Variants in MDM4 observed in about 807,000 individuals in gnomAD.
MDM4 encodes the protein protein Mdm4.
Under a neutral mutation model 60.2 loss-of-function variants are expected in MDM4, and 2 were observed. That is an observed-to-expected ratio of 0.03 (90% CI 0.01 to 0.10). The LOEUF (loss-of-function observed/expected upper bound fraction) is 0.10, where lower values mean the gene tolerates loss of function less well. MDM4 is among the 10% of genes least tolerant of loss of function. The pLI, the probability that MDM4 is intolerant of heterozygous loss-of-function variation, is 1.00. For missense variants in MDM4, 447 were observed against 577.5 expected (o/e 0.77, Z 2.32); for synonymous variants, 202 against 198.1 (o/e 1.02, Z -0.17).
chr1:204,527,933 C>T (rs2102334054), intron 3 of MDM4, among the ~76,000 whole-genome samples: 1 of 151,726 alleles, frequency 6.6e-6, no homozygotes, highest in African/African-American at 2.4e-5. Flanking sequence ...CATTACACTT[C>T]TCAAGGAGAC....
rs1205280431 is a variant in MDM4, at chr1:204,546,833, T to G, written c.859T>G (p.Ser287Ala). The change falls in exon 10 of 11, where the codon TCT becomes GCT. Residue 287 changes from serine to alanine, a missense_variant. By Grantham distance (99) the Ser-to-Ala change is moderately conservative (BLOSUM62 1). Transcript: ENST00000367182. ...GGGAAAAAATGATGACCTGGAGGAC[T>G]CTAAGTCCTTAAGTGATGATACCGA... ...EVGKNDDLED[S>A]KSLSDDTDVE... 1.4e-5 allele frequency: 22 copies of G among 1,613,354 alleles called. No individual in the cohort carries two copies. The highest frequency in any genetic ancestry group is 1.9e-5 in the Non-Finnish European group (22 of 1,179,496).
At position 204,544,562 on chromosome 1, in the gene MDM4, A is replaced by G. The variant is rs1662458879; in HGVS notation, c.700A>G (p.Thr234Ala). The G allele has an allele frequency of 6.2e-7, 1 of 1,612,450 alleles. No individual in the cohort carries two copies. The highest frequency in any genetic ancestry group is 8.5e-7 in the Non-Finnish European group (1 of 1,178,974). Residue 234 changes from threonine to alanine, a missense_variant, in exon 9 of 11, where the codon ACT becomes GCT. Transcript: ENST00000367182. ...QDVGTAIVSD[T>A]TDDLWFLNES... ...TGTGGGTACTGCCATTGTTTCAGAT[A>G]CTACAGATGACTTGTGGTTTTTGAA...
At position 204,542,844 on chromosome 1, in the gene MDM4, A is replaced by T. The variant is rs756186071; in HGVS notation, c.572A>T (p.Glu191Val). ...ACATCTAGGCTGGACCTTGGATTTG[A>T]GGAGTGGGATGTAGCTGGCCTGCCT... is the stretch of plus-strand genomic sequence containing the variant. ...DETSRLDLGF[E>V]EWDVAGLPWW... Residue 191 changes from glutamate (E) to valine (V), a missense_variant, in exon 8 of 11, where the codon GAG (glutamate) becomes GTG (valine). By Grantham distance (121) the Glu-to-Val change is moderately radical. This residue lies in a region of MDM4 where 184 missense variants were observed against 179.3 expected (regional missense o/e 1.03). Transcript: ENST00000367182. The T allele has an allele frequency of 3.1e-6, 5 of 1,614,066 alleles. No individual in the cohort carries two copies. Among genetic ancestry groups the T allele is most frequent in the Non-Finnish European group, 4.2e-6 (5 of 1,179,922 alleles).
chr1:204,546,490 T>G (rs1466032290), intron 9 of MDM4, among the ~76,000 whole-genome samples: 2 of 152,190 alleles, frequency 1.3e-5, no homozygotes, highest in Non-Finnish European at 2.9e-5. Context: ...GGCACCTGGC[T>G]GTAAAATAGC....
At chr1:204,540,901 G>A (rs147447001) in intron 7 of MDM4, among the ~76,000 whole-genome samples, 79 of 152,290 alleles carry the variant, frequency 5.2e-4, no homozygotes, top group African/African-American at 1.9e-3. Flanking sequence ...GTGGACCAAT[G>A]GCAGGTTAAG....
chr1:204,531,978 T>C (rs1660903692), intron 4 of MDM4, among the ~76,000 whole-genome samples: 1 of 152,224 alleles, frequency 6.6e-6, no homozygotes, highest in African/African-American at 2.4e-5. Flanking sequence ...ATCAGTTTTT[T>C]AATGGGGGCA....
intron 5 of MDM4, chr1:204,532,761 T>C: frequency 1.2e-6 from 2 of 1,610,014 alleles, no homozygotes; most frequent in Non-Finnish European, 8.5e-7. Flanking sequence ...GTCATTTACG[T>C]GTTGAAGAAA....
intron 1 of MDM4, among the ~76,000 whole-genome samples, chr1:204,520,665 C>T (rs1029309786): frequency 2.6e-5 from 4 of 151,914 alleles, no homozygotes; most frequent in Non-Finnish European, 4.4e-5. Flanking sequence ...CACTTGAGGC[C>T]AAGAGTTTGA....
intron 3 of MDM4, 85 bp downstream of exon 3, chr1:204,526,519 A>G (rs1042170263): frequency 1.8e-5 from 17 of 970,796 alleles, no homozygotes; most frequent in African/African-American, 3.4e-5. Context: ...GCTGGAGTGC[A>G]GTGGTGCGAT....
chr1:204,548,022 A>G (rs570215310), intron 10 of MDM4, among the ~76,000 whole-genome samples: 4 of 152,234 alleles, frequency 2.6e-5, no homozygotes, highest in Non-Finnish European at 4.4e-5. Flanking sequence ...ACTCCCGGCC[A>G]TGTTTCCATC....
At chr1:204,529,238 C>A in intron 3 of MDM4, 1 of 727,436 alleles carries the variant, frequency 1.4e-6, no homozygotes. Context: ...AGGCAGGTCT[C>A]ATCATTGAAC....
intron 1 of MDM4, among the ~76,000 whole-genome samples, chr1:204,520,205 G>T (rs191956772): frequency 2.0e-5 from 3 of 151,656 alleles, no homozygotes; most frequent in South Asian, 4.2e-4. Flanking sequence ...TGAACCCCGG[G>T]GGGTGGAGCC....
chr1:204,549,287 C>T lies in MDM4; in HGVS notation c.1078C>T (p.Pro360Ser), dbSNP rs913129198. 10 of 1,613,970 alleles carry T rather than the reference C, an allele frequency of 6.2e-6. No homozygotes were observed. The Admixed American group carries it at 1.3e-4, about 22-fold the overall frequency. ...PEKENEGNDV[P>S]DCRRTISAPV... ...AAAGGAAAATGAAGGAAATGATGTC[C>T]CTGATTGTCGAAGAACCATTTCGGC... Residue 360 changes from proline to serine, a missense_variant, in exon 11 of 11, where the codon CCT (proline) becomes TCT (serine). Transcript: ENST00000367182.
rs61752710 is a variant in MDM4 at position 204,544,591 on chromosome 1, G to A, written c.729G>A (p.Glu243=). 13 of 1,613,614 alleles carry A rather than the reference G, an allele frequency of 8.1e-6. No homozygotes were observed. Among genetic ancestry groups the A allele is most frequent in the Non-Finnish European group, 8.5e-6 (10 of 1,179,778 alleles). The change falls in exon 9 of 11, where the codon GAG becomes GAA. Residue 243 remains glutamate, a synonymous_variant. Transcript: ENST00000367182. The part of the protein sequence containing the change: ...DTTDDLWFLN[E]SVSEQLGVGI... ...CAGATGACTTGTGGTTTTTGAATGAGTCAGTATCAGAGCAGTTAGGTGTTG... is the reference window on the plus strand; with the variant it reads ...CAGATGACTTGTGGTTTTTGAATGAATCAGTATCAGAGCAGTTAGGTGTTG...
intron 1 of MDM4, among the ~76,000 whole-genome samples, chr1:204,520,325 T>C (rs2102286108): frequency 6.8e-6 from 1 of 147,858 alleles, no homozygotes; most frequent in Middle Eastern, 3.6e-3. Context: ...TAGGAATTAA[T>C]CTATGTTAGT....
At chr1:204,522,337 C>A (rs543444234) in intron 1 of MDM4, among the ~76,000 whole-genome samples, 2 of 150,868 alleles carry the variant, frequency 1.3e-5, no homozygotes, top group African/African-American at 4.9e-5. Flanking sequence ...CACACACACA[C>A]AAAAAAAGCA....
intron 7 of MDM4, among the ~76,000 whole-genome samples, chr1:204,542,036 A>T (rs1307938421): frequency 1.3e-5 from 2 of 152,226 alleles, no homozygotes; most frequent in African/African-American, 2.4e-5. Flanking sequence ...ACTTATGTTA[A>T]TTAGCTGCCC....
chr1:204,529,684 A>ATATC, intron 3 of MDM4: 1 of 577,094 alleles, frequency 1.7e-6, no homozygotes. Context: ...GCCCATACAG[A>ATATC]TAGCTGGCTG....
chr1:204,546,839 T>C lies in MDM4; in HGVS notation c.865T>C (p.Ser289Pro). 1 of 1,613,398 alleles carries C rather than the reference T, an allele frequency of 6.2e-7. No individual in the cohort carries two copies. The highest frequency in any genetic ancestry group is 8.5e-7 in the Non-Finnish European group (1 of 1,179,440). Residue 289 changes from serine to proline, a missense_variant, in exon 10 of 11, where the codon TCC becomes CCC. Ser to Pro is a moderately conservative substitution (Grantham distance 74, BLOSUM62 -1). Coordinates refer to ENST00000367182, the MANE Select transcript of MDM4 (RefSeq NM_002393.5). Reference sequence around the variant, plus strand: ...AAATGATGACCTGGAGGACTCTAAGTCCTTAAGTGATGATACCGATGTAGA... The same window carrying C: ...AAATGATGACCTGGAGGACTCTAAGCCCTTAAGTGATGATACCGATGTAGA... Reference protein sequence around the residue: ...GKNDDLEDSKSLSDDTDVEVT... With the variant: ...GKNDDLEDSKPLSDDTDVEVT...
Sources: gnomAD v4.1 joint callset for allele counts (sites outside exome capture counted in the v4.1 genomes callset) on GRCh38, gnomAD v4.1.1 for gene constraint, gnomAD v4.1.1 regional missense constraint, MANE v1.5 for transcripts, NCBI Gene and HGNC (gene_info 2026-07-23, HGNC 2026-07-21) for gene names.